The following ITFG2 variants were observed in gnomAD, a reference collection of about 807,000 sequenced individuals.
ITFG2 encodes the protein integrin alpha FG-GAP repeat containing 2, also known as KICSTOR complex protein ITFG2.
A neutral mutation model predicts 54.4 loss-of-function variants in ITFG2; 36 were observed. The observed-to-expected ratio is 0.66, with a 90% CI of 0.51 to 0.87. ITFG2 has a LOEUF of 0.87. Ranked by LOEUF, ITFG2 falls within the 40% of genes least tolerant of loss-of-function variation. ITFG2 has a pLI of 0.00. For synonymous variants in ITFG2, 211 were observed against 225.4 expected, an observed-to-expected ratio of 0.94 and a Z score of 0.57; for missense variants, 524 against 576.7, an observed-to-expected ratio of 0.91 and a Z score of 0.94.
chr12:2,835,286 G>T (rs2153926635), upstream of ITFG2, among the ~76,000 whole-genome samples: 1 of 152,188 alleles, frequency 6.6e-6, no homozygotes, highest in African/African-American at 2.4e-5. Flanking sequence ...TCACTGTGTG[G>T]GGGCAGCAGC....
downstream of ITFG2, chr12:2,827,786 A>G: frequency 6.2e-7 from 1 of 1,605,320 alleles, no homozygotes; most frequent in South Asian, 1.1e-5. The surrounding 1 kb of genome is among the most constrained non-coding windows in gnomAD (Gnocchi z 4.0). Flanking sequence ...AGATCCGAGG[A>G]CACTGGCACA....
chr12:2,826,571 C>T (rs1306585921), downstream of ITFG2: 2 of 152,782 alleles, frequency 1.3e-5, no homozygotes, highest in East Asian at 1.9e-4. Context: ...AACTAACTGG[C>T]TTCAGACATT....
intron 2 of ITFG2, chr12:2,855,397 C>G: frequency 2.8e-6 from 3 of 1,089,414 alleles, no homozygotes; most frequent in Non-Finnish European, 3.7e-6. Context: ...GAAGAACTCA[C>G]GCTGAGCCCA....
upstream of ITFG2, chr12:2,834,757 C>T (rs115703644): frequency 7.6e-4 from 1,232 of 1,613,924 alleles, 3 homozygotes; most frequent in African/African-American, 0.013. Flanking sequence ...CAGGTGGGCT[C>T]GGTCTCGAAG....
chr12:2,828,258 CTAATT>C, downstream of ITFG2: 1 of 1,348,560 alleles, frequency 7.4e-7, no homozygotes, highest in African/African-American at 1.4e-5. Flanking sequence ...TCGTCACTAT[CTAATT>C]TGAGAATATT....
chr12:2,821,816 A>T, intron 9 of ITFG2, 24 bp downstream of exon 9: 1 of 1,563,058 alleles, frequency 6.4e-7, no homozygotes, highest in Non-Finnish European at 8.8e-7. Context: ...CTGGCAGAGC[A>T]GAGCATTCCT....
chr12:2,835,265 G>A (rs2098024132), upstream of ITFG2: 1 of 955,656 alleles, frequency 1.0e-6, no homozygotes, highest in Non-Finnish European at 1.2e-6. Flanking sequence ...TGGTTTGCGA[G>A]GAAGCGCTTG....
At position 2,818,108 on chromosome 12, in the gene ITFG2, C is replaced by A; in HGVS notation, c.237C>A (p.Asn79Lys). The A allele has an allele frequency of 1.9e-6, 3 of 1,614,000 alleles. No homozygotes were observed. The highest frequency in any genetic ancestry group is 2.5e-6 in the Non-Finnish European group (3 of 1,179,880). The change falls in exon 4 of 12, where the codon AAC (asparagine) becomes AAA (lysine). Residue 79 changes from asparagine to lysine, a missense_variant and splice_region_variant. Asn to Lys is a moderately conservative substitution (Grantham distance 94). Coordinates refer to ENST00000228799, the MANE Select transcript of ITFG2 (RefSeq NM_018463.4). ...GVGDVCNKGK[N>K]LLVAVSAEGW... ...TACTATACCTCTGTTTGTCCTAGAA[C>A]CTGTTGGTGGCAGTGAGTGCTGAAG...
At chr12:2,855,099 G>A in intron 2 of ITFG2, 1 of 1,535,804 alleles carries the variant, frequency 6.5e-7, no homozygotes, top group Non-Finnish European at 8.7e-7. Flanking sequence ...AGGAGGGAGG[G>A]GGGATGGGGT....
At chr12:2,830,573 T>C in intron 2 of ITFG2, 2 of 908,260 alleles carry the variant, frequency 2.2e-6, no homozygotes, top group Non-Finnish European at 3.3e-6. Context: ...AGGATCCTGG[T>C]TAGGTCCAGG....
intron 2 of ITFG2, among the ~76,000 whole-genome samples, chr12:2,844,649 C>T (rs2098049306): frequency 6.6e-6 from 1 of 152,200 alleles, no homozygotes; most frequent in Non-Finnish European, 1.5e-5. Context: ...CTTCAGCACT[C>T]CTGTCCCTCC....
chr12:2,820,281 G>T (rs998740817), intron 5 of ITFG2, 56 bp downstream of exon 5: 3 of 1,503,772 alleles, frequency 2.0e-6, no homozygotes, highest in Non-Finnish European at 2.7e-6. Flanking sequence ...AAGGTCTCCT[G>T]GAGGAGGTAG....
At chr12:2,842,872 C>T (rs1456639571) in intron 2 of ITFG2, among the ~76,000 whole-genome samples, 2 of 152,166 alleles carry the variant, frequency 1.3e-5, no homozygotes, top group African/African-American at 2.4e-5. Flanking sequence ...CTTTTTTAAT[C>T]TAAGTCCTGG....
intron 1 of ITFG2, among the ~76,000 whole-genome samples, chr12:2,839,988 C>T (rs2098037130): frequency 6.6e-6 from 1 of 151,956 alleles, no homozygotes; most frequent in Non-Finnish European, 1.5e-5. Flanking sequence ...GGCTGAAGAA[C>T]TTCCTGTTGG....
rs1437047322 is a variant in ITFG2 at position 2,845,015 on chromosome 12, T to G, written n.300+4020T>G. 6.6e-6 allele frequency among the ~76,000 whole-genome samples: 1 copy of G among 152,086 alleles called. No individual in the cohort carries two copies. ...TGAACTGGCTTGGGACTAACATAAG[T>G]GGAGCAGCTATGTGAAGAGCCACGG... On this transcript the variant is annotated intron_variant and non_coding_transcript_variant, in intron 2 of 3. Transcript: ENST00000537710. The surrounding 1 kb of genome is among the most constrained non-coding windows in gnomAD (Gnocchi z 4.2).
chr12:2,833,663 A>G (rs955445108), upstream of ITFG2, among the ~76,000 whole-genome samples: 7 of 152,060 alleles, frequency 4.6e-5, no homozygotes, highest in African/African-American at 1.7e-4. Flanking sequence ...TCTACAAAGG[A>G]TTTCCTCTCT....
At chr12:2,838,927 G>A (rs1030551302) in intron 1 of ITFG2, among the ~76,000 whole-genome samples, 5 of 151,950 alleles carry the variant, frequency 3.3e-5, no homozygotes, top group African/African-American at 4.8e-5. Context: ...CTAGGCGAGC[G>A]GCCCGGCCTT....
intron 2 of ITFG2, among the ~76,000 whole-genome samples, chr12:2,852,727 G>A (rs1009779266): frequency 7.9e-5 from 12 of 152,028 alleles, no homozygotes; most frequent in Non-Finnish European, 1.2e-4. Flanking sequence ...TAATGAGGCC[G>A]GGCACGGTGG....
At chr12:2,847,867 A>G (rs544489930) in intron 2 of ITFG2, among the ~76,000 whole-genome samples, 1 of 152,304 alleles carries the variant, frequency 6.6e-6, no homozygotes, top group South Asian at 2.1e-4. Flanking sequence ...TTTCATCCAC[A>G]CTGTAGCATC....
Sources: allele counts gnomAD v4.1 joint callset (sites outside exome capture counted in the v4.1 genomes callset), GRCh38; gene constraint gnomAD v4.1.1; non-coding constraint Gnocchi (gnomAD v3.1); transcripts MANE v1.5; gene names NCBI Gene and HGNC (gene_info 2026-07-23, HGNC 2026-07-21).